Variants in GGA1 observed in about 807,000 individuals in gnomAD.
The protein encoded by GGA1 is ADP-ribosylation factor-binding protein GGA1.
A neutral mutation model predicts 76.9 loss-of-function variants in GGA1; 18 were observed. The observed-to-expected ratio is 0.23, with a 90% CI of 0.16 to 0.35. The LOEUF (loss-of-function observed/expected upper bound fraction) is 0.35, where lower values mean the gene tolerates loss of function less well. GGA1 is among the 10% of genes least tolerant of loss of function. The pLI is 1.00. For missense variants in GGA1, 755 were observed against 859.0 expected (o/e 0.88, Z 1.51); for synonymous variants, 342 against 354.7 (o/e 0.96, Z 0.40).
At chr22:37,613,336 C>A in intron 1 of GGA1, 1 of 179,280 alleles carries the variant, frequency 5.6e-6, no homozygotes, top group Non-Finnish European at 1.1e-5. Context: ...TTGTGTGTTG[C>A]CTCTTCCAGG....
At position 37,624,649 on chromosome 22, in the gene GGA1, T is replaced by C. The variant is rs1000122470; in HGVS notation, c.833-320T>C. The C allele has an allele frequency of 5.0e-5, 14 of 281,356 alleles. No homozygotes were observed. Among genetic ancestry groups the C allele is most frequent in the Middle Eastern group, 1.2e-3 (1 of 818 alleles). The allele number at this position is 281,356 out of a possible 1,614,324, so 17.4% of individuals were successfully genotyped here. A position where few individuals can be genotyped will look rare whatever the true frequency, so the allele number is the denominator to read the frequency against. On this transcript the variant is annotated intron_variant, in intron 9 of 16. Transcript: ENST00000343632. This position sits in a 1 kb window ranked among gnomAD's most constrained non-coding sequence, Gnocchi z 4.3. ...CTGAGGTGAGCCTTGGGTGAAGACC[T>C]GAAGGCAGTAAGGGATGAAGCCATG...
Position 37,632,720 on chromosome 22 carries a change from G to A in GGA1, c.*9G>A, listed in dbSNP as rs1009534870. ...CCTGGGGTAGCCTCTAGAACAGAGGGGCTGGGGAGAGGAAGGGGCAGAGGG... is the reference window on the plus strand; with the variant it reads ...CCTGGGGTAGCCTCTAGAACAGAGGAGCTGGGGAGAGGAAGGGGCAGAGGG... On this transcript the variant is annotated 3_prime_UTR_variant, in exon 17 of 17. Coordinates refer to ENST00000343632, the MANE Select transcript of GGA1 (RefSeq NM_013365.5). The surrounding 1 kb of genome is among the most constrained non-coding windows in gnomAD (Gnocchi z 5.1). 1.3e-6 allele frequency: 2 copies of A among 1,503,572 alleles called. No homozygotes were observed. The highest frequency in any genetic ancestry group is 1.2e-5 in the South Asian group (1 of 86,492). 93.1% of individuals were successfully genotyped at this position (1,503,572 alleles called of 1,614,324 possible).
chr22:37,623,812 CTGTTGAGAGGCCCTGTGGGCCAGCCCCCT>C lies in GGA1; in HGVS notation c.832+181_832+209del, dbSNP rs1930336527. 3.4e-6 allele frequency: 2 copies of C among 588,506 alleles called. No homozygotes were observed. Among genetic ancestry groups the C allele is most frequent in the South Asian group, 4.0e-5 (2 of 50,324 alleles). The allele number at this position is 588,506 out of a possible 1,614,324, so 36.5% of individuals were successfully genotyped here. On this transcript the variant is annotated intron_variant, in intron 9 of 16. Coordinates refer to ENST00000343632, the MANE Select transcript of GGA1 (RefSeq NM_013365.5). The surrounding 1 kb of genome is among the most constrained non-coding windows in gnomAD (Gnocchi z 4.6). ...AGGACACAGAGCAGGGGCCGCCCCCCTGTTGAGAGGCCCTGTGGGCCAGCCCCCTTAACAGGCATCTTATTTACTACCCG... is the reference window on the plus strand; with the variant it reads ...AGGACACAGAGCAGGGGCCGCCCCCCTAACAGGCATCTTATTTACTACCCG...
intron 4 of GGA1, 117 bp from the exon 5 acceptor site, chr22:37,620,121 T>C (rs1313925593): frequency 2.2e-5 from 25 of 1,157,970 alleles, no homozygotes; most frequent in Non-Finnish European, 2.9e-5. Flanking sequence ...ATGAGGACCC[T>C]GTAGGCTAGA....
intron 11 of GGA1, chr22:37,626,595 A>T (rs1930886360): frequency 6.6e-6 from 1 of 152,302 alleles, no homozygotes; most frequent in South Asian, 2.1e-4. Flanking sequence ...GAAGGGATGA[A>T]GAGCAGATAC....
chr22:37,611,871 G>A (rs544290695), intron 1 of GGA1, among the ~76,000 whole-genome samples: 12 of 152,206 alleles, frequency 7.9e-5, no homozygotes, highest in South Asian at 2.1e-4. Flanking sequence ...CAATATTTTG[G>A]TCAGGCACAG....
intron 5 of GGA1, 30 bp downstream of exon 5, chr22:37,620,391 A>G (rs1162749011): frequency 4.3e-6 from 7 of 1,612,450 alleles, no homozygotes; most frequent in Non-Finnish European, 5.9e-6. Flanking sequence ...GGGGGCGACC[A>G]GGGCCTGCCT....
intron 1 of GGA1, among the ~76,000 whole-genome samples, chr22:37,611,742 G>A (rs537919873): frequency 6.6e-6 from 1 of 152,330 alleles, no homozygotes; most frequent in East Asian, 1.9e-4. Flanking sequence ...CGGTGCTCAG[G>A]CGTGGGCAGA....
At position 37,630,198 on chromosome 22, in the gene GGA1, G is replaced by A. The variant is rs1156752431; in HGVS notation, c.1331+28G>A. On this transcript the variant is annotated intron_variant, in intron 13 of 16. Coordinates refer to ENST00000343632, the MANE Select transcript of GGA1 (RefSeq NM_013365.5). ...GAGGGCCCACCATGGCTGGCATGGGGTGGGGAGCACTCCCTGTTCCCACAA... is the reference window on the plus strand; with the variant it reads ...GAGGGCCCACCATGGCTGGCATGGGATGGGGAGCACTCCCTGTTCCCACAA... 3.9e-6 allele frequency: 6 copies of A among 1,521,354 alleles called. No homozygotes were observed. The South Asian group carries it at 7.5e-5, about 19-fold the overall frequency. 94.2% of individuals were successfully genotyped at this position (1,521,354 alleles called of 1,614,324 possible). A position where few individuals can be genotyped will look rare whatever the true frequency, so the allele number is the denominator to read the frequency against.
chr22:37,630,150 G>C lies in GGA1; in HGVS notation c.1311G>C (p.Pro437=). 1 of 1,591,342 alleles carries C rather than the reference G, an allele frequency of 6.3e-7. No individual in the cohort carries two copies. Among genetic ancestry groups the C allele is most frequent in the Non-Finnish European group, 8.5e-7 (1 of 1,170,346 alleles). Residue 437 remains proline (P), a synonymous_variant, in exon 13 of 17, where the codon CCG becomes CCC. Coordinates refer to ENST00000343632, the MANE Select transcript of GGA1 (RefSeq NM_013365.5). ...GKTLLQQSLP[P]ESQQVRWEKQ... is the part of the protein sequence containing the mutation. ...CCCTCCTGCAGCAGTCGCTGCCCCC[G>C]GAATCCCAGCAAGTGCGGTGGTGAG...
At chr22:37,631,673 C>T (rs929365955) in intron 14 of GGA1, among the ~76,000 whole-genome samples, 2 of 152,200 alleles carry the variant, frequency 1.3e-5, no homozygotes, top group South Asian at 2.1e-4. Flanking sequence ...GGTCACACAG[C>T]GTGAGACTCA....
At position 37,608,880 on chromosome 22, in the gene GGA1, C is replaced by G; in HGVS notation, c.20C>G (p.Pro7Arg). 10 of 1,309,750 alleles carry G rather than the reference C, an allele frequency of 7.6e-6. No homozygotes were observed. Among genetic ancestry groups the G allele is most frequent in the Non-Finnish European group, 9.7e-6 (10 of 1,029,732 alleles). 81.1% of individuals were successfully genotyped at this position (1,309,750 alleles called of 1,614,324 possible). A position where few individuals can be genotyped will look rare whatever the true frequency, so the allele number is the denominator to read the frequency against. ...TGGCGGATGGAGCCCGCGATGGAGC[C>G]GGAGACTCTGGAGGCGCGAATCAGT... Reference protein sequence around the residue: MEPAMEPETLEARINRA... With the variant: MEPAMERETLEARINRA... Residue 7 changes from proline (P) to arginine (R), a missense_variant, in exon 1 of 17, where the codon CCG becomes CGG. By Grantham distance (103) the Pro-to-Arg change is moderately radical (BLOSUM62 -2). Coordinates refer to ENST00000343632, the MANE Select transcript of GGA1 (RefSeq NM_013365.5).
intron 2 of GGA1, among the ~76,000 whole-genome samples, chr22:37,615,304 C>T (rs1266072550): frequency 6.6e-6 from 1 of 151,932 alleles, no homozygotes; most frequent in East Asian, 1.9e-4. Flanking sequence ...AAAAAATTAG[C>T]CGGGCATGGT....
rs1930565413 is a variant in GGA1, at chr22:37,625,062, C to T, written c.926C>T (p.Ala309Val). The change falls in exon 10 of 17, where the codon GCC (alanine) becomes GTC (valine). Residue 309 changes from alanine (A) to valine (V), a missense_variant. Ala to Val is a moderately conservative substitution (Grantham distance 64). Coordinates refer to ENST00000343632, the MANE Select transcript of GGA1 (RefSeq NM_013365.5). This position sits in a 1 kb window ranked among gnomAD's most constrained non-coding sequence, Gnocchi z 4.1. ...RGEEVNGDAT[A>V]GSIPGSTSAL... Reference sequence around the variant, plus strand: ...GAGGAGGTCAACGGTGATGCCACAGCCGGCTCCATCCCTGGTGAGGAGGTG... The same window carrying T: ...GAGGAGGTCAACGGTGATGCCACAGTCGGCTCCATCCCTGGTGAGGAGGTG... 2 of 1,594,576 alleles carry T rather than the reference C, an allele frequency of 1.3e-6. No homozygotes were observed. The highest frequency in any genetic ancestry group is 2.2e-4 in the Middle Eastern group (1 of 4,470).
rs1016294348 is a variant in GGA1 at position 37,624,951 on chromosome 22, C to T, written c.833-18C>T. 1 of 1,564,066 alleles carries T rather than the reference C, an allele frequency of 6.4e-7. No individual in the cohort carries two copies. The highest frequency in any genetic ancestry group is 1.9e-5 in the Admixed American group (1 of 52,746). ...CCACAGTCCTTCAGCCTGGCCTCTC[C>T]CCTCCTGCCTGTTCCAGCGGAGATC... On this transcript the variant is annotated intron_variant, in intron 9 of 16. Transcript: ENST00000343632. The surrounding 1 kb of genome is among the most constrained non-coding windows in gnomAD (Gnocchi z 4.3).
chr22:37,630,857 C>T (rs1237385957), intron 13 of GGA1, 46 bp from the exon 14 acceptor site: 3 of 1,390,972 alleles, frequency 2.2e-6, no homozygotes, highest in Admixed American at 3.8e-5. Flanking sequence ...GGTGAGCTAC[C>T]ACGCTGGCCA....
chr22:37,626,019 C>T, intron 11 of GGA1, 70 bp downstream of exon 11: 1 of 1,312,696 alleles, frequency 7.6e-7, no homozygotes, highest in Non-Finnish European at 1.0e-6. Context: ...AGGGCCCACT[C>T]ACAGCTAGCG....
rs12170248 is a variant in GGA1 at position 37,632,449 on chromosome 22, A to G, written c.1743A>G (p.Pro581=). The change falls in exon 16 of 17, where the codon CCA becomes CCG. Residue 581 remains proline, a synonymous_variant. Transcript: ENST00000343632. The surrounding 1 kb of genome is among the most constrained non-coding windows in gnomAD (Gnocchi z 5.1). ...KLQPPSGTEL[P]AFNPIVHPSA... is the part of the protein sequence containing the mutation. ...AGCCACCCTCGGGCACGGAGCTGCC[A>G]GCTTTTAACCCCATCGTCCACCCCT... 7.9e-3 allele frequency: 12,684 copies of G among 1,613,942 alleles called. 916 individuals carry two copies. The African/African-American group carries it at 0.15, about 19-fold the overall frequency.
rs1205323052 is a variant in GGA1, at chr22:37,617,460, C to A, written c.204+463C>A. ...AGAGAGGGGTGTACTGTCTGTGGCC[C>A]CCAGCATGGGCCACATACCAACCCA... On this transcript the variant is annotated intron_variant, in intron 3 of 16. Coordinates refer to ENST00000343632, the MANE Select transcript of GGA1 (RefSeq NM_013365.5). 3.0e-6 allele frequency: 3 copies of A among 1,006,292 alleles called. No individual in the cohort carries two copies. The African/African-American group carries it at 5.2e-5, about 18-fold the overall frequency. 62.3% of individuals were successfully genotyped at this position (1,006,292 alleles called of 1,614,324 possible).
Sources: gnomAD v4.1 joint callset for allele counts (sites outside exome capture counted in the v4.1 genomes callset) on GRCh38, gnomAD v4.1.1 for gene constraint, Gnocchi (gnomAD v3.1) non-coding constraint, MANE v1.5 for transcripts, NCBI Gene and HGNC (gene_info 2026-07-23, HGNC 2026-07-21) for gene names.